The following SKIC3 variants were observed in gnomAD, a reference collection of about 807,000 sequenced individuals.
The protein encoded by SKIC3 is superkiller complex protein 3.
chr5:95,492,687 A>AAAAAAAAAC, the SKIC3 span, among the ~76,000 whole-genome samples: 1 of 141,738 alleles, frequency 7.1e-6, no homozygotes, highest in Non-Finnish European at 1.5e-5. Flanking sequence ...AAAAAAAAAA[A>AAAAAAAAAC]AACAAGACAA....
chr5:95,550,840 G>A, the SKIC3 span: 3 of 152,044 alleles, frequency 2.0e-5, no homozygotes, highest in Non-Finnish European at 4.4e-5. Flanking sequence ...CCAAACTTCT[G>A]AATTGGTCTA....
At chr5:95,487,405 G>C in the SKIC3 span, among the ~76,000 whole-genome samples, 1 of 152,038 alleles carries the variant, frequency 6.6e-6, no homozygotes, top group Non-Finnish European at 1.5e-5. Context: ...CACAAGAATG[G>C]GCCTGTCTAA....
chr5:95,514,329 A>T, the SKIC3 span, among the ~76,000 whole-genome samples: 1,661 of 152,322 alleles, frequency 0.011, 35 homozygotes, highest in African/African-American at 0.038. Context: ...AGTAGGTAAC[A>T]GACTCAGACT....
chr5:95,494,989 T>C, the SKIC3 span: 2 of 1,613,848 alleles, frequency 1.2e-6, no homozygotes, highest in Admixed American at 1.7e-5. Flanking sequence ...GTCCAGAATA[T>C]GAGCCACATT....
At chr5:95,483,923 C>T in the SKIC3 span, among the ~76,000 whole-genome samples, 1 of 152,226 alleles carries the variant, frequency 6.6e-6, no homozygotes, top group East Asian at 1.9e-4. Flanking sequence ...TCTATGTGAT[C>T]CAGAACTTTG....
the SKIC3 span, chr5:95,497,355 T>A: frequency 7.4e-7 from 1 of 1,345,334 alleles, no homozygotes; most frequent in Non-Finnish European, 1.1e-6. Context: ...TTTAAAATTA[T>A]CATATTTACC....
chr5:95,493,867 T>C, the SKIC3 span, among the ~76,000 whole-genome samples: 13 of 152,032 alleles, frequency 8.6e-5, no homozygotes, highest in African/African-American at 2.6e-4. Flanking sequence ...CTGCTAGACA[T>C]TCCAGTCTTC....
At chr5:95,501,508 A>T in the SKIC3 span, among the ~76,000 whole-genome samples, 1 of 152,130 alleles carries the variant, frequency 6.6e-6, no homozygotes, top group African/African-American at 2.4e-5. Flanking sequence ...TAGAATGAAA[A>T]TCAAACAAAA....
At chr5:95,512,581 G>C in the SKIC3 span, 2 of 1,613,800 alleles carry the variant, frequency 1.2e-6, no homozygotes, top group South Asian at 2.2e-5. Context: ...TTGCAATGTT[G>C]TGCAGACCCA....
At chr5:95,483,579 A>T in the SKIC3 span, among the ~76,000 whole-genome samples, 2 of 152,354 alleles carry the variant, frequency 1.3e-5, no homozygotes, top group South Asian at 2.1e-4. Context: ...TAAGAACCAA[A>T]GAAATCTTCA....
chr5:95,544,063 G>C, the SKIC3 span, among the ~76,000 whole-genome samples: 1 of 152,166 alleles, frequency 6.6e-6, no homozygotes, highest in Non-Finnish European at 1.5e-5. Context: ...AGTTAAGCGA[G>C]TCATATTATT....
the SKIC3 span, chr5:95,502,972 C>T: frequency 3.8e-5 from 61 of 1,613,784 alleles, no homozygotes; most frequent in Admixed American, 5.0e-5. Context: ...TGTCTTGCTC[C>T]GATTCAACAA....
At chr5:95,524,089 C>T in the SKIC3 span, among the ~76,000 whole-genome samples, 1 of 152,052 alleles carries the variant, frequency 6.6e-6, no homozygotes, top group African/African-American at 2.4e-5. Flanking sequence ...AGAGCTGCTA[C>T]TGAATTAATC....
chr5:95,515,357 A>T, the SKIC3 span, among the ~76,000 whole-genome samples: 84 of 152,298 alleles, frequency 5.5e-4, no homozygotes, highest in Non-Finnish European at 1.0e-3. Context: ...CCAGAGAAGG[A>T]GTGATCAACA....
the SKIC3 span, among the ~76,000 whole-genome samples, chr5:95,497,171 C>T: frequency 6.6e-6 from 1 of 152,170 alleles, no homozygotes; most frequent in Non-Finnish European, 1.5e-5. Context: ...CTTCATACTT[C>T]TTTGTAGCTC....
At chr5:95,466,570 G>A in the SKIC3 span, among the ~76,000 whole-genome samples, 3 of 152,070 alleles carry the variant, frequency 2.0e-5, no homozygotes, top group East Asian at 5.8e-4. Flanking sequence ...GACTATAAGG[G>A]GTATATCATA....
the SKIC3 span, among the ~76,000 whole-genome samples, chr5:95,468,812 A>G: frequency 3.9e-5 from 6 of 152,150 alleles, no homozygotes; most frequent in Non-Finnish European, 5.9e-5. Context: ...AACAAAGATT[A>G]TTGGGGTAGG....
the SKIC3 span, among the ~76,000 whole-genome samples, chr5:95,539,924 G>A: frequency 1.3e-5 from 2 of 151,232 alleles, no homozygotes; most frequent in Non-Finnish European, 2.9e-5. Flanking sequence ...CAGAGGAAAA[G>A]AAGTCATTAT....
At chr5:95,502,761 C>T in the SKIC3 span, 1 of 1,295,386 alleles carries the variant, frequency 7.7e-7, no homozygotes, top group Non-Finnish European at 1.1e-6. Flanking sequence ...CCAGGTGGGC[C>T]CAATCCCTTT....
Sources: allele counts gnomAD v4.1 joint callset (sites outside exome capture counted in the v4.1 genomes callset), GRCh38; gene constraint gnomAD v4.1.1; transcripts MANE v1.5; gene names NCBI Gene and HGNC (gene_info 2026-07-23, HGNC 2026-07-21).